RASA3: variants seen among roughly 807,000 people sequenced by gnomAD.
RASA3 encodes the protein RAS p21 protein activator 3, also known as ras GTPase-activating protein 3.
In RASA3, 73 loss-of-function variants were observed where a neutral mutation model predicts 110.0. The observed-to-expected ratio is 0.66, with a 90% CI of 0.55 to 0.81. The LOEUF is 0.81. RASA3 is among the 30% of genes least tolerant of loss of function. RASA3 has a pLI of 0.00. For missense variants in RASA3, 976 were observed against 1,113.2 expected (o/e 0.88, Z 1.75); for synonymous variants, 500 against 451.4 (o/e 1.11, Z -1.37).
At chr13:114,049,036 C>T (rs895015881) in intron 3 of RASA3, among the ~76,000 whole-genome samples, 6 of 152,006 alleles carry the variant, frequency 3.9e-5, no homozygotes, top group Non-Finnish European at 5.9e-5. Flanking sequence ...ACCCCCGACC[C>T]CATAGGAATG....
chr13:114,076,415 G>C (rs2079682521), intron 1 of RASA3, among the ~76,000 whole-genome samples: 1 of 152,184 alleles, frequency 6.6e-6, no homozygotes, highest in Non-Finnish European at 1.5e-5. Context: ...CTGGCTCCAG[G>C]CCAGGCCTCA....
At chr13:114,088,141 A>G (rs1215620206) in intron 1 of RASA3, among the ~76,000 whole-genome samples, 5 of 151,894 alleles carry the variant, frequency 3.3e-5, no homozygotes, top group Non-Finnish European at 5.9e-5. Context: ...AAAAAAAAAT[A>G]AAAGGAAAGA....
Position 114,052,075 on chromosome 13 carries a change from ACGT to A in RASA3, c.251_253del (p.Asp84del). On this transcript the variant is annotated inframe_deletion, in exon 3 of 24. Coordinates refer to ENST00000334062, the MANE Select transcript of RASA3 (RefSeq NM_007368.4). ...ACCTATGATGGAATCCCTCCGGAAA[ACGT>A]CTCTATCGAAAATGTAGAAGGACAG... is the stretch of plus-strand genomic sequence containing the variant. 6.2e-7 allele frequency: 1 copy of A among 1,610,928 alleles called. No individual in the cohort carries two copies. The highest frequency in any genetic ancestry group is 8.5e-7 in the Non-Finnish European group (1 of 1,177,448).
Position 114,075,263 on chromosome 13 carries a change from G to A in RASA3, c.56-1426C>T, listed in dbSNP as rs148204674. 8.4e-3 allele frequency among the ~76,000 whole-genome samples: 1,278 copies of A among 152,280 alleles called. 24 individuals are homozygous for A. Among genetic ancestry groups the A allele is most frequent in the African/African-American group, 0.029 (1,202 of 41,550 alleles). On this transcript the variant is annotated intron_variant, in intron 1 of 23. Transcript: ENST00000334062. ...AATGTTTCGCGTCAACTCAGCAAGC[G>A]CACACGTCATGGCTCACATGGGGCA...
chr13:114,101,999 C>T (rs560164189), intron 1 of RASA3, among the ~76,000 whole-genome samples: 109 of 152,290 alleles, frequency 7.2e-4, no homozygotes, highest in Non-Finnish European at 1.2e-3. Flanking sequence ...CCACAAGCGA[C>T]GTCTACAGGG....
chr13:114,097,425 T>C (rs760741446), intron 1 of RASA3, among the ~76,000 whole-genome samples: 1 of 152,154 alleles, frequency 6.6e-6, no homozygotes, highest in African/African-American at 2.4e-5. Flanking sequence ...TTCAGGGCAA[T>C]GGTCCAAAAG....
intron 7 of RASA3, among the ~76,000 whole-genome samples, chr13:114,026,880 C>A (rs1175505353): frequency 6.6e-6 from 1 of 152,204 alleles, no homozygotes; most frequent in Non-Finnish European, 1.5e-5. Flanking sequence ...ACCCTTGCAC[C>A]CTCCTTTTCA....
At position 114,015,268 on chromosome 13, in the gene RASA3, G is replaced by A. The variant is rs1478693040; in HGVS notation, c.1346C>T (p.Pro449Leu). The A allele has an allele frequency of 8.1e-6, 13 of 1,613,066 alleles. No homozygotes were observed. Among genetic ancestry groups the A allele is most frequent in the African/African-American group, 1.3e-5 (1 of 74,932 alleles). ...GAAGAAGATGTCACACATGACGGTC[G>A]GGCAGCTCACCCCAGACTCAGTGAT... ...HAITESGVSC[P>L]TVMCDIFFSL... The change falls in exon 14 of 24, where the codon CCG (proline) becomes CTG (leucine). Residue 449 changes from proline to leucine, a missense_variant. Coordinates refer to ENST00000334062, the MANE Select transcript of RASA3 (RefSeq NM_007368.4).
chr13:114,132,604 C>A lies in RASA3; in HGVS notation c.-115G>T. On this transcript the variant is annotated 5_prime_UTR_variant, in exon 1 of 24. Coordinates refer to ENST00000334062, the MANE Select transcript of RASA3 (RefSeq NM_007368.4). Reference sequence around the variant, plus strand: ...CCCCGAGCGCGGCCGAGGGTCCGCCCGCCTGCAAGACCGCCAGTTGGCCGA... The same window carrying A: ...CCCCGAGCGCGGCCGAGGGTCCGCCAGCCTGCAAGACCGCCAGTTGGCCGA... The A allele has an allele frequency of 3.5e-6, 3 of 863,064 alleles. No homozygotes were observed. Among genetic ancestry groups the A allele is most frequent in the Non-Finnish European group, 4.5e-6 (3 of 669,268 alleles). 53.5% of individuals were successfully genotyped at this position (863,064 alleles called of 1,614,324 possible).
At chr13:114,117,732 GA>G (rs2080310077) in intron 1 of RASA3, among the ~76,000 whole-genome samples, 1 of 138,872 alleles carries the variant, frequency 7.2e-6, no homozygotes, top group Admixed American at 7.1e-5. Context: ...GCATGTGTGT[GA>G]GGAGAGCACG....
At chr13:114,102,234 A>T (rs988041446) in intron 1 of RASA3, among the ~76,000 whole-genome samples, 1 of 151,708 alleles carries the variant, frequency 6.6e-6, no homozygotes, top group Non-Finnish European at 1.5e-5. Flanking sequence ...GGCGGGCAGC[A>T]GGTGGGCGGT....
intron 20 of RASA3, among the ~76,000 whole-genome samples, chr13:113,997,975 G>A (rs1004171533): frequency 6.6e-6 from 1 of 152,230 alleles, no homozygotes; most frequent in African/African-American, 2.4e-5. Context: ...ATCATCCCAG[G>A]CTCGGCCCTG....
chr13:114,028,374 A>T (rs2054073864), intron 5 of RASA3, among the ~76,000 whole-genome samples: 1 of 138,624 alleles, frequency 7.2e-6, no homozygotes, highest in African/African-American at 2.8e-5. Flanking sequence ...CCTGGGGGCC[A>T]GGGCCCCTAA....
chr13:113,994,839 T>G (rs902409271), intron 21 of RASA3, among the ~76,000 whole-genome samples: 23 of 152,028 alleles, frequency 1.5e-4, no homozygotes, highest in Admixed American at 2.6e-4. Flanking sequence ...CCTGGAATGG[T>G]GGAGCACACC....
chr13:114,093,782 ACT>A lies in RASA3; in HGVS notation c.56-19947_56-19946del, dbSNP rs1053069124. On this transcript the variant is annotated intron_variant, in intron 1 of 23. Transcript: ENST00000334062. The stretch of plus-strand genomic sequence containing the variant: ...TTTTCTTCTCTGTGTATTTTCAAAT[ACT>A]CTGTCTTTGAGCTCACTGATTCCTC... Among the ~76,000 whole-genome samples, 13 of 121,686 alleles carry A rather than the reference ACT, an allele frequency of 1.1e-4. 1 individual carries two copies. In the South Asian group the frequency reaches 1.1e-3, roughly 10 times the overall value. The allele number at this position is 121,686 out of a possible 152,430, so 79.8% of individuals were successfully genotyped here.
At chr13:114,121,471 T>C (rs1362951389) in intron 1 of RASA3, among the ~76,000 whole-genome samples, 1 of 152,152 alleles carries the variant, frequency 6.6e-6, no homozygotes, top group Admixed American at 6.5e-5. Flanking sequence ...GAGCCTCCCT[T>C]ACCTCCACCC....
At position 114,027,270 on chromosome 13, in the gene RASA3, C is replaced by T; in HGVS notation, c.603+119G>A. 3.3e-6 allele frequency: 3 copies of T among 921,112 alleles called. No individual in the cohort carries two copies. In the South Asian group the frequency reaches 5.0e-5, roughly 15 times the overall value. 57.1% of individuals were successfully genotyped at this position (921,112 alleles called of 1,614,324 possible). ...ACCCAGGGCCGGCTGGCGGGGCTCG[C>T]TCCTCTCCGGAAGGAACTTCCAGAG... On this transcript the variant is annotated intron_variant, in intron 7 of 23. Coordinates refer to ENST00000334062, the MANE Select transcript of RASA3 (RefSeq NM_007368.4).
chr13:114,046,775 C>G (rs968394086), intron 3 of RASA3, among the ~76,000 whole-genome samples: 3 of 152,142 alleles, frequency 2.0e-5, no homozygotes, highest in African/African-American at 7.2e-5. Context: ...AGGCCACAAA[C>G]AGACCCACAC....
chr13:114,043,837 G>GCCCCCCCCCCCCGCCT (rs544129523), intron 3 of RASA3, among the ~76,000 whole-genome samples: 14 of 22,824 alleles, frequency 6.1e-4, no homozygotes, highest in Admixed American at 1.2e-3. Flanking sequence ...CACTCGCTGA[G>GCCCCCCCCCCCCGCCT]CCCCCCGCCC....
Sources: allele counts gnomAD v4.1 joint callset (sites outside exome capture counted in the v4.1 genomes callset), GRCh38; gene constraint gnomAD v4.1.1; transcripts MANE v1.5; gene names NCBI Gene and HGNC (gene_info 2026-07-23, HGNC 2026-07-21).